PMP2: variants seen among roughly 807,000 people sequenced by gnomAD.
PMP2 encodes myelin P2 protein.
Under a neutral mutation model 15.9 loss-of-function variants are expected in PMP2, and 11 were observed. The observed-to-expected ratio is 0.69, with a 90% CI of 0.44 to 1.14. PMP2 has a LOEUF of 1.14. PMP2 is among the 50% of genes most tolerant of loss of function. The pLI, the probability that PMP2 is intolerant of heterozygous loss-of-function variation, is 0.00. For missense variants in PMP2, 151 were observed against 154.0 expected, an observed-to-expected ratio of 0.98 and a Z score of 0.10; for synonymous variants, 55 against 54.1, an observed-to-expected ratio of 1.02 and a Z score of -0.07.
intron 1 of PMP2, 83 bp from the exon 2 acceptor site, chr8:81,445,072 T>A: frequency 8.7e-7 from 1 of 1,155,690 alleles, no homozygotes; most frequent in East Asian, 2.4e-5. Flanking sequence ...CTACGCTCAG[T>A]GGTGCCCCAG....
intron 2 of PMP2, 69 bp from the exon 3 acceptor site, chr8:81,444,670 T>C: frequency 1.4e-6 from 2 of 1,420,684 alleles, no homozygotes; most frequent in South Asian, 1.2e-5. Flanking sequence ...TCTTTCAGTA[T>C]GGAACCATTT....
At chr8:81,446,684 G>C (rs1807454451) in intron 1 of PMP2, among the ~76,000 whole-genome samples, 1 of 152,162 alleles carries the variant, frequency 6.6e-6, no homozygotes, top group African/African-American at 2.4e-5. Flanking sequence ...TTCACTCACT[G>C]CTCCAACTCC....
chr8:81,443,861 G>T lies in PMP2; in HGVS notation c.349-413C>A, dbSNP rs375084225. On this transcript the variant is annotated intron_variant, in intron 3 of 3. Transcript: ENST00000256103. ...ACTCCCCAAGTAAATCTGTTGTGCA[G>T]CAAGGGCTAAGAACCACTGTACTAA... Among the ~76,000 whole-genome samples, 13 of 152,186 alleles carry T rather than the reference G, an allele frequency of 8.5e-5. No homozygotes were observed. The East Asian group carries it at 1.9e-3, about 23-fold the overall frequency.
At position 81,443,269 on chromosome 8, in the gene PMP2, C is replaced by T; in HGVS notation, c.*129G>A. On this transcript the variant is annotated 3_prime_UTR_variant, in exon 4 of 4. Transcript: ENST00000256103. ...CTTTTAGATTAATTCTCAGTTTAGG[C>T]CTTTGCATATCTGATATATTAAGAC... The T allele has an allele frequency of 3.4e-6, 2 of 594,486 alleles. No homozygotes were observed. Among genetic ancestry groups the T allele is most frequent in the Non-Finnish European group, 5.9e-6 (2 of 339,546 alleles). 36.8% of individuals were successfully genotyped at this position (594,486 alleles called of 1,614,324 possible). A position where few individuals can be genotyped will look rare whatever the true frequency, so the allele number is the denominator to read the frequency against.
At position 81,441,304 on chromosome 8, in the gene PMP2, A is replaced by G. The variant is rs1230995983; in HGVS notation, c.*2094T>C. 2.6e-5 allele frequency: 4 copies of G among 152,150 alleles called. No individual in the cohort carries two copies. Among genetic ancestry groups the G allele is most frequent in the Non-Finnish European group, 5.9e-5 (4 of 68,004 alleles). 9.4% of individuals were successfully genotyped at this position (152,150 alleles called of 1,614,324 possible). ...TATTCTTTCCCCAGAAACTAACAACAATCTGTGAGGAGATACTTTAAGCCC... is the reference window on the plus strand; with the variant it reads ...TATTCTTTCCCCAGAAACTAACAACGATCTGTGAGGAGATACTTTAAGCCC... On this transcript the variant is annotated 3_prime_UTR_variant, in exon 4 of 4. Transcript: ENST00000256103.
At position 81,442,710 on chromosome 8, in the gene PMP2, GA is replaced by G. The variant is rs1483181031; in HGVS notation, c.*687del. ...CCACTACTTGCTTTTGGTAGGGGTG[GA>G]ACAGAAAAGGACACTGATTGGGAAG... On this transcript the variant is annotated 3_prime_UTR_variant, in exon 4 of 4. Transcript: ENST00000256103. The G allele has an allele frequency of 4.6e-5, 7 of 151,962 alleles. No individual in the cohort carries two copies. Among genetic ancestry groups the G allele is most frequent in the Non-Finnish European group, 8.8e-5 (6 of 67,924 alleles). 9.4% of individuals were successfully genotyped at this position (151,962 alleles called of 1,614,324 possible). A position where few individuals can be genotyped will look rare whatever the true frequency, so the allele number is the denominator to read the frequency against.
intron 1 of PMP2, among the ~76,000 whole-genome samples, chr8:81,445,220 T>C (rs1209706911): frequency 1.3e-5 from 2 of 152,144 alleles, no homozygotes; most frequent in East Asian, 3.9e-4. Flanking sequence ...TTTCTTTTTT[T>C]TTTTTCTTTT....
chr8:81,444,161 C>T (rs1335442463), intron 3 of PMP2, among the ~76,000 whole-genome samples: 2 of 152,188 alleles, frequency 1.3e-5, no homozygotes, highest in Admixed American at 1.3e-4. Context: ...CTACAAAATA[C>T]ACCTTGCAGA....
In PMP2 at chr8:81,442,207, G is replaced by T. The variant is rs1276281846; in HGVS notation, c.*1191C>A. ...TCCCTCATTTCATATTTGTATATTT[G>T]TTTTTCCATAGTGAACATCCTGACT... is the stretch of plus-strand genomic sequence containing the variant. On this transcript the variant is annotated 3_prime_UTR_variant, in exon 4 of 4. Transcript: ENST00000256103. 1 of 152,064 alleles carries T rather than the reference G, an allele frequency of 6.6e-6. No individual in the cohort carries two copies. The highest frequency in any genetic ancestry group is 1.5e-5 in the Non-Finnish European group (1 of 67,878). The allele number at this position is 152,064 out of a possible 1,614,324, so 9.4% of individuals were successfully genotyped here.
intron 1 of PMP2, 108 bp downstream of exon 1, chr8:81,447,206 G>T: frequency 2.6e-6 from 2 of 763,894 alleles, no homozygotes; most frequent in South Asian, 2.9e-5. Context: ...GGATTGTACT[G>T]CAGCCTTGCA....
In PMP2 at chr8:81,441,509, C is replaced by A. The variant is rs1807338907; in HGVS notation, c.*1889G>T. 6.7e-6 allele frequency: 1 copy of A among 150,296 alleles called. No homozygotes were observed. The highest frequency in any genetic ancestry group is 2.5e-5 in the African/African-American group (1 of 40,776). 9.3% of individuals were successfully genotyped at this position (150,296 alleles called of 1,614,324 possible). Reference sequence around the variant, plus strand: ...ATGACGTTCTATTGCAAAAGAGAAACCTTCTCATTTCTCTATCTATCTATC... The same window carrying A: ...ATGACGTTCTATTGCAAAAGAGAAAACTTCTCATTTCTCTATCTATCTATC... On this transcript the variant is annotated 3_prime_UTR_variant, in exon 4 of 4. Transcript: ENST00000256103.
rs777905842 is a variant in PMP2, at chr8:81,444,519, A to C, written c.329T>G (p.Val110Gly). The C allele has an allele frequency of 9.9e-6, 16 of 1,611,174 alleles. No homozygotes were observed. The highest frequency in any genetic ancestry group is 1.3e-5 in the Non-Finnish European group (15 of 1,177,618). Residue 110 changes from valine (V) to glycine (G), a missense_variant, in exon 3 of 4, where the codon GTG (valine) becomes GGG (glycine). Val to Gly is a moderately radical substitution (Grantham distance 109, BLOSUM62 -3). Transcript: ENST00000256103. ...GKETTIKRKL[V>G]NGKMVAECKM... Reference sequence around the variant, plus strand: ...TCTTACCGCTACCATTTTCCCATTCACTAGCTTTCTCTTTATGGTTGTCTC... The same window carrying C: ...TCTTACCGCTACCATTTTCCCATTCCCTAGCTTTCTCTTTATGGTTGTCTC...
At chr8:81,446,590 T>C (rs1316444621) in intron 1 of PMP2, among the ~76,000 whole-genome samples, 1 of 152,244 alleles carries the variant, frequency 6.6e-6, no homozygotes, top group Non-Finnish European at 1.5e-5. Flanking sequence ...AGACTCTTCA[T>C]ATCTATTGTG....
chr8:81,440,433 T>C lies in PMP2; in HGVS notation c.*2965A>G, dbSNP rs1406007799. ...ACGCAGTTTTTAAACTCGTATTTTG[T>C]GAGTTGGAGCCTGGCAACAAAACAA... On this transcript the variant is annotated 3_prime_UTR_variant, in exon 4 of 4. Transcript: ENST00000256103. 6.6e-6 allele frequency: 1 copy of C among 152,202 alleles called. No individual in the cohort carries two copies. Among genetic ancestry groups the C allele is most frequent in the Non-Finnish European group, 1.5e-5 (1 of 68,038 alleles). 9.4% of individuals were successfully genotyped at this position (152,202 alleles called of 1,614,324 possible).
chr8:81,444,895 A>G lies in PMP2; in HGVS notation c.168T>C (p.Ser56=), dbSNP rs775804702. ...AGGAGATTTCTGTATTTTTAAAGGT[A>G]CTTTCAGTTCGTATAGTTATAATAT... The part of the protein sequence containing the change: ...KGDIITIRTE[S]TFKNTEISFK... Residue 56 remains serine (S), a synonymous_variant, in exon 2 of 4, where the codon AGT becomes AGC. Transcript: ENST00000256103. The G allele has an allele frequency of 5.0e-6, 8 of 1,613,448 alleles. No individual in the cohort carries two copies. In the South Asian group the frequency reaches 5.5e-5, roughly 11 times the overall value.
intron 1 of PMP2, among the ~76,000 whole-genome samples, chr8:81,445,714 C>T (rs921178827): frequency 6.6e-6 from 1 of 152,014 alleles, no homozygotes; most frequent in Non-Finnish European, 1.5e-5. Context: ...ATAGCATATA[C>T]GTATTGTTCT....
chr8:81,445,687 A>G (rs1048114533), intron 1 of PMP2, among the ~76,000 whole-genome samples: 22 of 152,332 alleles, frequency 1.4e-4, no homozygotes, highest in African/African-American at 3.4e-4. Flanking sequence ...CTATAGATAT[A>G]TTTTAAAGAT....
Position 81,444,565 on chromosome 8 carries a change from C to T in PMP2, c.283G>A (p.Val95Met). ...VTLQRGSLNQ[V>M]QRWDGKETTI... The stretch of plus-strand genomic sequence containing the variant: ...GTCTCTTTGCCATCCCATCTCTGCA[C>T]TTGATTCAGTGATCCTCTCTGCAGG... The change falls in exon 3 of 4, where the codon GTG (valine) becomes ATG (methionine). Residue 95 changes from valine (V) to methionine (M), a missense_variant. Coordinates refer to ENST00000256103, the MANE Select transcript of PMP2 (RefSeq NM_002677.5). 1 of 1,614,004 alleles carries T rather than the reference C, an allele frequency of 6.2e-7. No individual in the cohort carries two copies. The highest frequency in any genetic ancestry group is 1.3e-5 in the African/African-American group (1 of 75,038).
rs764835333 is a variant in PMP2 at position 81,444,586 on chromosome 8, G to C, written c.262C>G (p.Gln88Glu). The C allele has an allele frequency of 6.2e-7, 1 of 1,613,422 alleles. No individual in the cohort carries two copies. Among genetic ancestry groups the C allele is most frequent in the Non-Finnish European group, 8.5e-7 (1 of 1,179,502 alleles). ...NRKTKSIVTL[Q>E]RGSLNQVQRW... is the part of the protein sequence containing the mutation. ...TGCACTTGATTCAGTGATCCTCTCT[G>C]CAGGGTTACGATGCTCTGCAAAGAC... is the stretch of plus-strand genomic sequence containing the variant. Residue 88 changes from glutamine to glutamate, a missense_variant, in exon 3 of 4, where the codon CAG becomes GAG. By Grantham distance (29) the Gln-to-Glu change is conservative (BLOSUM62 2). Transcript: ENST00000256103.
Sources: allele counts gnomAD v4.1 joint callset (sites outside exome capture counted in the v4.1 genomes callset), GRCh38; gene constraint gnomAD v4.1.1; transcripts MANE v1.5; gene names NCBI Gene and HGNC (gene_info 2026-07-23, HGNC 2026-07-21).